Variants in DSCAML1 observed in about 807,000 individuals in gnomAD.
The protein encoded by DSCAML1 is cell adhesion molecule DSCAML1.
Under a neutral mutation model 200.5 loss-of-function variants are expected in DSCAML1, and 38 were observed. That is an observed-to-expected ratio of 0.19 (90% CI 0.15 to 0.25). The LOEUF (loss-of-function observed/expected upper bound fraction) is 0.25, where lower values mean the gene tolerates loss of function less well. Among genes scored for constraint, DSCAML1 ranks in the 10% least tolerant of loss-of-function variants. DSCAML1 has a pLI of 1.00. For synonymous variants in DSCAML1, 1,215 were observed against 1,165.0 expected, an observed-to-expected ratio of 1.04 and a Z score of -0.87; for missense variants, 2,223 against 2,858.8, an observed-to-expected ratio of 0.78 and a Z score of 5.07.
chr11:117,733,001 A>C (rs923350353), intron 3 of DSCAML1, among the ~76,000 whole-genome samples: 2 of 152,156 alleles, frequency 1.3e-5, no homozygotes, highest in Non-Finnish European at 2.9e-5. Context: ...AAATAAAATG[A>C]AGCAATTATT....
intron 18 of DSCAML1, 136 bp from the exon 19 acceptor site, chr11:117,459,045 G>A: frequency 1.7e-6 from 2 of 1,157,252 alleles, no homozygotes; most frequent in South Asian, 1.5e-5. Context: ...GGACTAGAGG[G>A]TCTTTCACCT....
intron 14 of DSCAML1, among the ~76,000 whole-genome samples, chr11:117,479,002 C>T (rs1272170951): frequency 6.6e-6 from 1 of 152,248 alleles, no homozygotes; most frequent in Non-Finnish European, 1.5e-5. Context: ...AGATGACTGA[C>T]CCAGGTCCCT....
At chr11:117,770,452 A>C (rs1424799886) in intron 3 of DSCAML1, among the ~76,000 whole-genome samples, 1 of 152,074 alleles carries the variant, frequency 6.6e-6, no homozygotes, top group Non-Finnish European at 1.5e-5. Context: ...GGCATTATGG[A>C]GGTGAAGGAC....
chr11:117,431,970 C>T (rs2047808895), intron 30 of DSCAML1, among the ~76,000 whole-genome samples: 1 of 152,176 alleles, frequency 6.6e-6, no homozygotes, highest in Admixed American at 6.5e-5. Flanking sequence ...CTTTTCCTTC[C>T]ACCTGGGGGA....
intron 3 of DSCAML1, among the ~76,000 whole-genome samples, chr11:117,630,534 AC>A (rs1213225978): frequency 3.3e-5 from 5 of 152,044 alleles, no homozygotes; most frequent in African/African-American, 1.2e-4. Context: ...TGTACCAAGC[AC>A]TTGCTCCACC....
At position 117,608,149 on chromosome 11, in the gene DSCAML1, G is replaced by C. The variant is rs139913645; in HGVS notation, c.512-75627C>G. ...ACAGCAGGATGATAGCACCTAGCGG[G>C]TAAATCTACGGGGGGATATAGAGAT... is the stretch of plus-strand genomic sequence containing the variant. On this transcript the variant is annotated intron_variant, in intron 3 of 32. Coordinates refer to ENST00000651296, the MANE Select transcript of DSCAML1 (RefSeq NM_020693.4). Among the ~76,000 whole-genome samples, 1,229 of 152,320 alleles carry C rather than the reference G, an allele frequency of 8.1e-3. 16 individuals carry two copies. The highest frequency in any genetic ancestry group is 0.028 in the African/African-American group (1,168 of 41,576).
intron 3 of DSCAML1, among the ~76,000 whole-genome samples, chr11:117,769,474 A>ATATATTATATATATTTT (rs1473677373): frequency 1.2e-5 from 1 of 80,146 alleles, no homozygotes; most frequent in African/African-American, 6.6e-5. Context: ...TATATTTTAT[A>ATATATTATATATATTTT]TATATAATAT....
chr11:117,477,384 GTGTGTGTA>G (rs1159868078), intron 14 of DSCAML1, among the ~76,000 whole-genome samples: 67 of 132,096 alleles, frequency 5.1e-4, no homozygotes, highest in South Asian at 2.9e-3. Context: ...GTGTGTGTGT[GTGTGTGTA>G]TGTGTGTGTG....
Position 117,439,333 on chromosome 11 carries a change from G to T in DSCAML1, c.4077C>A (p.Gly1359=). 6.2e-7 allele frequency: 1 copy of T among 1,614,078 alleles called. No homozygotes were observed. Among genetic ancestry groups the T allele is most frequent in the South Asian group, 1.1e-5 (1 of 91,076 alleles). ...TGTTGGTGGCCGTGCACGTGTAGTA[G>T]CCAGAGTCCTCAGCCTTCACTGCAC... ...LLRAVKAEDS[G]YYTCTATNTG... The change falls in exon 23 of 33, where the codon GGC becomes GGA. Residue 1359 remains glycine (G), a synonymous_variant. Coordinates refer to ENST00000651296, the MANE Select transcript of DSCAML1 (RefSeq NM_020693.4).
intron 3 of DSCAML1, among the ~76,000 whole-genome samples, chr11:117,583,330 C>T (rs1221224808): frequency 1.3e-5 from 2 of 152,134 alleles, no homozygotes; most frequent in Non-Finnish European, 2.9e-5. Flanking sequence ...ATGGCTTGTA[C>T]CCCTCTGCTC....
At chr11:117,538,254 C>T (rs1476090811) in intron 3 of DSCAML1, among the ~76,000 whole-genome samples, 2 of 152,138 alleles carry the variant, frequency 1.3e-5, no homozygotes, top group Non-Finnish European at 2.9e-5. Context: ...CTCCATGATC[C>T]CACTATACTA....
intron 11 of DSCAML1, among the ~76,000 whole-genome samples, chr11:117,495,822 G>T (rs542875781): frequency 1.3e-5 from 2 of 152,288 alleles, no homozygotes; most frequent in Non-Finnish European, 1.5e-5. Context: ...CCTGGTATTT[G>T]TTCCTTCAGA....
chr11:117,784,235 C>T (rs1435303991), intron 1 of DSCAML1, among the ~76,000 whole-genome samples: 3 of 152,146 alleles, frequency 2.0e-5, no homozygotes, highest in African/African-American at 7.2e-5. Context: ...CAGTGCATTG[C>T]CATCATGAAA....
intron 3 of DSCAML1, among the ~76,000 whole-genome samples, chr11:117,619,308 A>G (rs960690144): frequency 6.6e-5 from 10 of 152,210 alleles, no homozygotes; most frequent in Non-Finnish European, 5.9e-5. Flanking sequence ...AGGCGTGGCT[A>G]TTGGCCTGGG....
At chr11:117,529,621 C>T (rs1314564520) in intron 4 of DSCAML1, among the ~76,000 whole-genome samples, 6 of 152,126 alleles carry the variant, frequency 3.9e-5, no homozygotes, top group Non-Finnish European at 8.8e-5. Context: ...GAAGAGACCA[C>T]AAATGTGCTT....
chr11:117,467,200 C>G (rs1336796862), intron 16 of DSCAML1, among the ~76,000 whole-genome samples: 3 of 133,958 alleles, frequency 2.2e-5, no homozygotes, highest in East Asian at 2.6e-4. Context: ...CACACCTCCC[C>G]CCTCCCCCCG....
Position 117,430,713 on chromosome 11 carries a change from A to G in DSCAML1, c.5686+9T>C. On this transcript the variant is annotated intron_variant, in intron 32 of 32. Transcript: ENST00000651296. ...GGGGCACTGCCTGGGAGGTGGTCTGAGCACTCACTCTTGTTGGCCCGGTGA... is the reference window on the plus strand; with the variant it reads ...GGGGCACTGCCTGGGAGGTGGTCTGGGCACTCACTCTTGTTGGCCCGGTGA... The G allele has an allele frequency of 1.2e-6, 2 of 1,605,628 alleles. No individual in the cohort carries two copies. The highest frequency in any genetic ancestry group is 1.7e-6 in the Non-Finnish European group (2 of 1,175,752).
chr11:117,542,715 C>A (rs2050295858), intron 3 of DSCAML1, among the ~76,000 whole-genome samples: 1 of 152,248 alleles, frequency 6.6e-6, no homozygotes, highest in South Asian at 2.1e-4. Context: ...AGGCACTGTG[C>A]CAGGCACATC....
intron 3 of DSCAML1, among the ~76,000 whole-genome samples, chr11:117,579,195 A>G (rs1217302360): frequency 6.6e-6 from 1 of 152,046 alleles, no homozygotes; most frequent in Non-Finnish European, 1.5e-5. Flanking sequence ...GTCCTCTTGT[A>G]ATCCATTCTC....
Sources: allele counts gnomAD v4.1 joint callset (sites outside exome capture counted in the v4.1 genomes callset), GRCh38; gene constraint gnomAD v4.1.1; transcripts MANE v1.5; gene names NCBI Gene and HGNC (gene_info 2026-07-23, HGNC 2026-07-21).